KLHL29: variants seen among roughly 807,000 people sequenced by gnomAD.
KLHL29 encodes the protein kelch-like protein 29.
Under a neutral mutation model 80.4 loss-of-function variants are expected in KLHL29, and 21 were observed. The ratio of observed to expected loss-of-function variants is 0.26; its 90% confidence interval spans 0.19 to 0.38. The LOEUF (loss-of-function observed/expected upper bound fraction) is 0.38, where lower values mean the gene tolerates loss of function less well. Among genes scored for constraint, KLHL29 ranks in the 10% least tolerant of loss-of-function variants. The pLI is 1.00. For synonymous variants in KLHL29, 511 were observed against 526.8 expected (o/e 0.97, Z 0.41); for missense variants, 867 against 1,223.9 (o/e 0.71, Z 4.35).
chr2:23,599,818 C>T (rs1668522412), intron 3 of KLHL29, among the ~76,000 whole-genome samples: 2 of 152,124 alleles, frequency 1.3e-5, no homozygotes, highest in Admixed American at 1.3e-4. Context: ...TGTGTGTGCC[C>T]GCCCGACGCC....
Position 23,398,633 on chromosome 2 carries a change from G to A in KLHL29, c.-154+12853G>A, listed in dbSNP as rs1364571980. On this transcript the variant is annotated intron_variant, in intron 1 of 13. Transcript: ENST00000486442. Reference sequence around the variant, plus strand: ...CGTGGTCAACCCTGCCGTGTTCTTCGACATCGCTGTCGATAGTGAGCCCTT... The same window carrying A: ...CGTGGTCAACCCTGCCGTGTTCTTCAACATCGCTGTCGATAGTGAGCCCTT... Among the ~76,000 whole-genome samples the A allele has an allele frequency of 5.9e-5, 9 of 152,352 alleles. No individual in the cohort carries two copies. In the South Asian group the frequency reaches 1.4e-3, roughly 25 times the overall value.
At chr2:23,546,080 T>C (rs1254536778) in intron 2 of KLHL29, among the ~76,000 whole-genome samples, 1 of 152,188 alleles carries the variant, frequency 6.6e-6, no homozygotes, top group African/African-American at 2.4e-5. Flanking sequence ...GCAGCTGAGA[T>C]CTGGCCTGCA....
intron 2 of KLHL29, among the ~76,000 whole-genome samples, chr2:23,554,009 T>C (rs1295705645): frequency 6.6e-6 from 1 of 152,134 alleles, no homozygotes; most frequent in Non-Finnish European, 1.5e-5. Context: ...AGTGTGGGAC[T>C]CACCCCTAGC....
intron 2 of KLHL29, among the ~76,000 whole-genome samples, chr2:23,509,794 G>C (rs959417777): frequency 6.6e-6 from 1 of 152,104 alleles, no homozygotes; most frequent in Non-Finnish European, 1.5e-5. Flanking sequence ...GCTGTGACCC[G>C]GGGGGTGGTG....
chr2:23,634,896 T>C (rs1280887461), intron 3 of KLHL29, among the ~76,000 whole-genome samples: 2 of 152,228 alleles, frequency 1.3e-5, no homozygotes, highest in Admixed American at 6.5e-5. Context: ...AGCAGTGATA[T>C]ATGCTTCTTC....
intron 11 of KLHL29, among the ~76,000 whole-genome samples, chr2:23,698,638 A>C (rs899257154): frequency 1.3e-5 from 2 of 152,210 alleles, no homozygotes; most frequent in Non-Finnish European, 2.9e-5. Flanking sequence ...CAACAGCACA[A>C]TAGACAAACC....
intron 1 of KLHL29, among the ~76,000 whole-genome samples, chr2:23,431,331 C>A (rs1335235214): frequency 1.3e-5 from 2 of 152,204 alleles, no homozygotes. Context: ...AAGACCACAG[C>A]TGGTTTTTCT....
chr2:23,513,043 T>A (rs1665820224), intron 2 of KLHL29, among the ~76,000 whole-genome samples: 1 of 152,228 alleles, frequency 6.6e-6, no homozygotes, highest in South Asian at 2.1e-4. Context: ...GCTTCACGCG[T>A]GGTGACCCCC....
At chr2:23,403,726 A>AGTGTGTGTGT (rs36116395) in intron 1 of KLHL29, among the ~76,000 whole-genome samples, 11 of 144,116 alleles carry the variant, frequency 7.6e-5, no homozygotes, top group African/African-American at 2.4e-4. Context: ...AGAGAGAGAG[A>AGTGTGTGTGT]GTGTGTGTGT....
intron 2 of KLHL29, among the ~76,000 whole-genome samples, chr2:23,553,062 G>C (rs79086805): frequency 1.3e-5 from 2 of 152,102 alleles, no homozygotes; most frequent in Non-Finnish European, 2.9e-5. Context: ...TCCCGGCCAC[G>C]GCTCTGGTTT....
intron 2 of KLHL29, among the ~76,000 whole-genome samples, chr2:23,532,055 CAAAT>C (rs1336596941): frequency 1.3e-5 from 2 of 152,172 alleles, no homozygotes; most frequent in Non-Finnish European, 2.9e-5. Flanking sequence ...CAGAGCATCT[CAAAT>C]AAGTCAGCAG....
At chr2:23,572,927 A>C (rs1709322) in intron 3 of KLHL29, among the ~76,000 whole-genome samples, 10,367 of 152,272 alleles carry the variant, frequency 0.068, 724 homozygotes, top group African/African-American at 0.18. Context: ...TGACCTCGTG[A>C]TCCGCCCGCC....
intron 2 of KLHL29, among the ~76,000 whole-genome samples, chr2:23,524,804 A>G (rs1263843968): frequency 6.6e-6 from 1 of 152,262 alleles, no homozygotes; most frequent in Non-Finnish European, 1.5e-5. Flanking sequence ...AAAACATTAC[A>G]GGAAAACAAA....
intron 2 of KLHL29, among the ~76,000 whole-genome samples, chr2:23,528,741 A>G (rs904625217): frequency 3.3e-5 from 5 of 152,214 alleles, no homozygotes; most frequent in East Asian, 1.9e-4. Flanking sequence ...CTAGATCCAT[A>G]TTACCCTTTG....
In KLHL29 at chr2:23,669,441, G is replaced by C. The variant is rs979391760; in HGVS notation, c.941-14958G>C. On this transcript the variant is annotated intron_variant, in intron 5 of 13. Transcript: ENST00000486442. This position sits in a 1 kb window ranked among gnomAD's most constrained non-coding sequence, Gnocchi z 4.3. Reference sequence around the variant, plus strand: ...TCTTCCAGGCTCCCACGCAGCCTCCGTTTCCCTTCCACACAGTCCTGCCCC... The same window carrying C: ...TCTTCCAGGCTCCCACGCAGCCTCCCTTTCCCTTCCACACAGTCCTGCCCC... 6.6e-6 allele frequency: 1 copy of C among 152,414 alleles called. No homozygotes were observed. Among genetic ancestry groups the C allele is most frequent in the East Asian group, 1.9e-4 (1 of 5,192 alleles). 9.4% of individuals were successfully genotyped at this position (152,414 alleles called of 1,614,324 possible).
chr2:23,678,541 A>G (rs1041945719), intron 5 of KLHL29, among the ~76,000 whole-genome samples: 9 of 152,216 alleles, frequency 5.9e-5, no homozygotes, highest in African/African-American at 2.2e-4. Context: ...GTCTCTGCCA[A>G]TATCAGCCAG....
Position 23,393,921 on chromosome 2 carries a change from G to A in KLHL29, c.-154+8141G>A, listed in dbSNP as rs895488311. On this transcript the variant is annotated intron_variant, in intron 1 of 13. Coordinates refer to ENST00000486442, the MANE Select transcript of KLHL29 (RefSeq NM_052920.2). ...CCGCCCCTCCCTTCCCCCTGGGCTT[G>A]TCTCTACCCTAGAAGTAATGTCAAG... 2.6e-5 allele frequency among the ~76,000 whole-genome samples: 4 copies of A among 152,158 alleles called. No homozygotes were observed. In the South Asian group the frequency reaches 6.2e-4, roughly 24 times the overall value.
At chr2:23,563,876 G>A (rs1667517960) in intron 3 of KLHL29, among the ~76,000 whole-genome samples, 1 of 152,256 alleles carries the variant, frequency 6.6e-6, no homozygotes, top group Admixed American at 6.5e-5. Flanking sequence ...ACAGGGGAGA[G>A]GAGATGGAGG....
At chr2:23,555,839 G>A (rs535863660) in intron 2 of KLHL29, among the ~76,000 whole-genome samples, 2 of 152,356 alleles carry the variant, frequency 1.3e-5, no homozygotes, top group East Asian at 1.9e-4. Context: ...GAGATGATCC[G>A]AATTGTGAGG....
Sources: allele counts gnomAD v4.1 joint callset (sites outside exome capture counted in the v4.1 genomes callset), GRCh38; gene constraint gnomAD v4.1.1; non-coding constraint Gnocchi (gnomAD v3.1); transcripts MANE v1.5; gene names NCBI Gene and HGNC (gene_info 2026-07-23, HGNC 2026-07-21).